Variants in LARGE1 observed in about 807,000 individuals in gnomAD.
The protein encoded by LARGE1 is xylosyl- and glucuronyltransferase LARGE1.
Under a neutral mutation model 87.6 loss-of-function variants are expected in LARGE1, and 43 were observed. The observed-to-expected ratio is 0.49, with a 90% CI of 0.38 to 0.63. LARGE1 has a LOEUF of 0.63. LARGE1 is among the 30% of genes least tolerant of loss of function. The pLI is 0.00. For missense variants in LARGE1, 802 were observed against 1,000.2 expected, an observed-to-expected ratio of 0.80 and a Z score of 2.67; for synonymous variants, 434 against 394.6, an observed-to-expected ratio of 1.10 and a Z score of -1.18.
At chr22:33,879,602 G>A (rs1008946858) in intron 1 of LARGE1, among the ~76,000 whole-genome samples, 9 of 152,054 alleles carry the variant, frequency 5.9e-5, no homozygotes, top group Non-Finnish European at 1.0e-4. Context: ...TTTTCCCATC[G>A]ACTTATTCTG....
the LARGE1 span, among the ~76,000 whole-genome samples, chr22:33,127,175 G>A: frequency 6.6e-6 from 1 of 152,190 alleles, no homozygotes; most frequent in East Asian, 1.9e-4. Context: ...ATAGGAGCAA[G>A]TGAGGAGGAC....
At chr22:33,709,501 T>C (rs1243137885) in intron 2 of LARGE1, among the ~76,000 whole-genome samples, 2 of 152,192 alleles carry the variant, frequency 1.3e-5, no homozygotes, top group Non-Finnish European at 2.9e-5. Flanking sequence ...AAGACTGCAC[T>C]TGGATTTAAA....
chr22:33,651,428 A>ATC (rs1182326197), intron 2 of LARGE1, among the ~76,000 whole-genome samples: 6 of 151,424 alleles, frequency 4.0e-5, no homozygotes, highest in Non-Finnish European at 1.5e-5. Context: ...GATAATAATA[A>ATC]TGACTAAGTT....
In LARGE1 at chr22:33,536,127, A is replaced by G. The variant is rs563783090; in HGVS notation, c.787+28721T>C. Among the ~76,000 whole-genome samples, 11 of 152,316 alleles carry G rather than the reference A, an allele frequency of 7.2e-5. No individual in the cohort carries two copies. In the South Asian group the frequency reaches 1.5e-3, roughly 20 times the overall value. On this transcript the variant is annotated intron_variant, in intron 6 of 14. Transcript: ENST00000397394. ...GCACTCTGAACAAGGGAAAGCCAAA[A>G]TAATTTGGGTCATTTTGTTTGGAAA...
At chr22:33,548,939 C>A (rs964728656) in intron 6 of LARGE1, among the ~76,000 whole-genome samples, 3 of 152,184 alleles carry the variant, frequency 2.0e-5, no homozygotes, top group African/African-American at 7.2e-5. Context: ...AATCCACATG[C>A]CTTCTTTGTC....
In LARGE1 at chr22:33,292,416, T is replaced by C. The variant is rs774995505; in HGVS notation, c.1731-9068A>G. 3.9e-5 allele frequency among the ~76,000 whole-genome samples: 6 copies of C among 152,084 alleles called. No homozygotes were observed. The South Asian group carries it at 1.2e-3, about 31-fold the overall frequency. Reference sequence around the variant, plus strand: ...ACAAAGGATTCTGGAAGTATCTCTTTTTTGTGTCTTTCTATACTGGGGGGT... The same window carrying C: ...ACAAAGGATTCTGGAAGTATCTCTTCTTTGTGTCTTTCTATACTGGGGGGT... On this transcript the variant is annotated intron_variant, in intron 12 of 14. Transcript: ENST00000397394.
chr22:33,431,844 A>G (rs971834346), intron 7 of LARGE1, among the ~76,000 whole-genome samples: 4 of 152,198 alleles, frequency 2.6e-5, no homozygotes, highest in Non-Finnish European at 5.9e-5. Flanking sequence ...CTGAAGAATG[A>G]TATCTGGTCT....
intron 1 of LARGE1, among the ~76,000 whole-genome samples, chr22:33,835,631 T>A (rs898596738): frequency 3.3e-5 from 5 of 152,204 alleles, no homozygotes; most frequent in Admixed American, 1.3e-4. Context: ...TGCGGCCTAT[T>A]TGGAAAGTCG....
intron 3 of LARGE1, among the ~76,000 whole-genome samples, chr22:33,638,215 A>G (rs1050178674): frequency 7.2e-5 from 11 of 152,230 alleles, no homozygotes; most frequent in African/African-American, 2.7e-4. Context: ...GATACAATAG[A>G]AAAAGTGCAT....
intron 8 of LARGE1, among the ~76,000 whole-genome samples, chr22:33,383,881 G>A (rs967095637): frequency 6.6e-6 from 1 of 152,228 alleles, no homozygotes; most frequent in Non-Finnish European, 1.5e-5. Flanking sequence ...GTCTGCGTCA[G>A]TAGACGCTAA....
At chr22:33,821,955 T>TG (rs918316381) in intron 1 of LARGE1, among the ~76,000 whole-genome samples, 3 of 151,096 alleles carry the variant, frequency 2.0e-5, no homozygotes, top group East Asian at 3.9e-4. Context: ...TTTTTAGGTT[T>TG]TTTTTTTTTT....
intron 3 of LARGE1, among the ~76,000 whole-genome samples, chr22:33,627,661 C>T (rs968362434): frequency 6.6e-6 from 1 of 152,136 alleles, no homozygotes; most frequent in Non-Finnish European, 1.5e-5. Flanking sequence ...GTTCCCAGGC[C>T]TCCTTCATCA....
At chr22:33,196,476 T>C (rs1025554993) in intron 11 of LARGE1, among the ~76,000 whole-genome samples, 5 of 152,104 alleles carry the variant, frequency 3.3e-5, no homozygotes, top group Admixed American at 3.3e-4. Flanking sequence ...AACAAACATA[T>C]GTCTATTAAA....
At chr22:33,842,577 G>C (rs1053595527) in intron 1 of LARGE1, among the ~76,000 whole-genome samples, 2 of 152,110 alleles carry the variant, frequency 1.3e-5, no homozygotes, top group African/African-American at 2.4e-5. Context: ...AACGAAGCAA[G>C]CCACTCCAAA....
At chr22:33,142,788 C>T in the LARGE1 span, among the ~76,000 whole-genome samples, 1 of 152,212 alleles carries the variant, frequency 6.6e-6, no homozygotes, top group Non-Finnish European at 1.5e-5. Context: ...TTCAAAGGCT[C>T]ACCCTCAATT....
At chr22:33,538,903 C>A (rs2077112274) in intron 6 of LARGE1, among the ~76,000 whole-genome samples, 1 of 152,160 alleles carries the variant, frequency 6.6e-6, no homozygotes, top group Non-Finnish European at 1.5e-5. Flanking sequence ...ATCTTCCAGT[C>A]CAGTGTTTTT....
chr22:33,121,327 A>T, the LARGE1 span, among the ~76,000 whole-genome samples: 7 of 152,160 alleles, frequency 4.6e-5, no homozygotes, highest in Non-Finnish European at 8.8e-5. Flanking sequence ...ACACCCAAAG[A>T]TGTCCTTTGT....
intron 11 of LARGE1, among the ~76,000 whole-genome samples, chr22:33,266,614 T>G (rs947955542): frequency 6.6e-6 from 1 of 151,678 alleles, no homozygotes; most frequent in Admixed American, 6.6e-5. Context: ...GCTGATTAAA[T>G]AAGAAAATGT....
At chr22:33,787,158 T>C (rs901412559) in intron 1 of LARGE1, among the ~76,000 whole-genome samples, 14 of 152,128 alleles carry the variant, frequency 9.2e-5, no homozygotes, top group Non-Finnish European at 1.8e-4. Context: ...GCTGGTATTA[T>C]CTTCTACCCA....
Sources: gnomAD v4.1 joint callset for allele counts (sites outside exome capture counted in the v4.1 genomes callset) on GRCh38, gnomAD v4.1.1 for gene constraint, MANE v1.5 for transcripts, NCBI Gene and HGNC (gene_info 2026-07-23, HGNC 2026-07-21) for gene names.